TMEM163: variants seen among roughly 807,000 people sequenced by gnomAD.
TMEM163 encodes the protein transmembrane protein 163.
In TMEM163, 17 loss-of-function variants were observed where a neutral mutation model predicts 29.3. The observed-to-expected ratio is 0.58, with a 90% CI of 0.40 to 0.87. TMEM163 has a LOEUF of 0.87. TMEM163 is among the 40% of genes least tolerant of loss of function. The pLI is 0.00. For synonymous variants in TMEM163, 157 were observed against 160.6 expected, an observed-to-expected ratio of 0.98 and a Z score of 0.17; for missense variants, 303 against 381.5, an observed-to-expected ratio of 0.79 and a Z score of 1.71.
At chr2:134,602,799 G>C (rs1237367534) in intron 2 of TMEM163, among the ~76,000 whole-genome samples, 1 of 151,856 alleles carries the variant, frequency 6.6e-6, no homozygotes, top group African/African-American at 2.4e-5. Flanking sequence ...TCTTCTGCCT[G>C]TCCCTGAGAG....
At chr2:134,587,307 G>T (rs564112192) in intron 2 of TMEM163, among the ~76,000 whole-genome samples, 2 of 152,284 alleles carry the variant, frequency 1.3e-5, no homozygotes, top group East Asian at 3.9e-4. Context: ...GGCTACTAGG[G>T]AGTGTGAGGC....
At chr2:134,662,306 C>T (rs1485555475) in intron 2 of TMEM163, among the ~76,000 whole-genome samples, 1 of 152,130 alleles carries the variant, frequency 6.6e-6, no homozygotes, top group East Asian at 1.9e-4. Context: ...ATAGTTTCCC[C>T]TTCTTTAAAA....
At chr2:134,550,859 TA>T (rs112325375) in intron 3 of TMEM163, among the ~76,000 whole-genome samples, 198 bp from the exon 4 acceptor site, 1 of 152,220 alleles carries the variant, frequency 6.6e-6, no homozygotes, top group East Asian at 1.9e-4. Flanking sequence ...GTGTGCCATG[TA>T]GGGGGCTCTG....
chr2:134,601,588 T>A (rs1682235673), intron 2 of TMEM163, among the ~76,000 whole-genome samples: 1 of 152,208 alleles, frequency 6.6e-6, no homozygotes. Context: ...CCGGCCTGCC[T>A]CCTAAATGGG....
intron 4 of TMEM163, among the ~76,000 whole-genome samples, chr2:134,542,789 C>A (rs1680703797): frequency 6.6e-6 from 1 of 152,138 alleles, no homozygotes; most frequent in Non-Finnish European, 1.5e-5. Context: ...AAGGTGTCTG[C>A]AGGGCCACCC....
chr2:134,658,453 T>C (rs55925095), intron 2 of TMEM163, among the ~76,000 whole-genome samples: 22,697 of 152,044 alleles, frequency 0.15, 2,500 homozygotes, highest in African/African-American at 0.31. Flanking sequence ...CATGAGTTTT[T>C]GGAGGACAGA....
intron 2 of TMEM163, among the ~76,000 whole-genome samples, chr2:134,649,008 G>GA (rs1683403419): frequency 6.6e-6 from 1 of 152,118 alleles, no homozygotes; most frequent in African/African-American, 2.4e-5. Flanking sequence ...AAATAAAATT[G>GA]AAGAAAGAAC....
intron 6 of TMEM163, among the ~76,000 whole-genome samples, chr2:134,459,900 C>T (rs947072937): frequency 6.6e-6 from 1 of 152,116 alleles, no homozygotes; most frequent in Non-Finnish European, 1.5e-5. Context: ...ACCTCAGGCA[C>T]AGGCTCCTCA....
intron 2 of TMEM163, among the ~76,000 whole-genome samples, chr2:134,673,253 G>A (rs774270360): frequency 5.9e-5 from 9 of 152,076 alleles, no homozygotes; most frequent in Admixed American, 2.0e-4. Flanking sequence ...GCATTGGCAC[G>A]TGTTGGTATG....
intron 2 of TMEM163, among the ~76,000 whole-genome samples, chr2:134,647,882 C>T (rs1490575480): frequency 3.3e-5 from 5 of 152,244 alleles, no homozygotes; most frequent in African/African-American, 7.2e-5. Flanking sequence ...AGGAGCAAAA[C>T]TCTGTGTGGC....
intron 5 of TMEM163, among the ~76,000 whole-genome samples, chr2:134,473,302 G>T (rs150365534): frequency 2.6e-5 from 4 of 152,068 alleles, no homozygotes; most frequent in Admixed American, 2.0e-4. Context: ...TTGGGAGTCC[G>T]AGGCAGGTGG....
At chr2:134,608,848 G>A (rs1193041657) in intron 2 of TMEM163, among the ~76,000 whole-genome samples, 3 of 47,216 alleles carry the variant, frequency 6.4e-5, no homozygotes, top group Non-Finnish European at 1.1e-4. Context: ...GACAGACCCC[G>A]AGAACTGTGC....
intron 5 of TMEM163, among the ~76,000 whole-genome samples, chr2:134,472,147 C>T (rs961911006): frequency 6.6e-6 from 1 of 152,206 alleles, no homozygotes; most frequent in African/African-American, 2.4e-5. Flanking sequence ...CTGGCAAGCT[C>T]CTTCAACATC....
chr2:134,503,306 AATGTG>A (rs910327760), intron 4 of TMEM163, among the ~76,000 whole-genome samples: 5 of 152,194 alleles, frequency 3.3e-5, no homozygotes, highest in African/African-American at 7.2e-5. Flanking sequence ...TTGCCTGGCA[AATGTG>A]ATGTTTCATT....
intron 6 of TMEM163, among the ~76,000 whole-genome samples, chr2:134,464,779 C>T (rs1371244796): frequency 2.0e-5 from 3 of 152,090 alleles, no homozygotes; most frequent in Non-Finnish European, 4.4e-5. Context: ...CGCCACCTGT[C>T]GACAGTCCCA....
chr2:134,615,706 T>C (rs555994720), intron 2 of TMEM163, among the ~76,000 whole-genome samples: 2 of 137,678 alleles, frequency 1.5e-5, no homozygotes, highest in Non-Finnish European at 3.1e-5. Flanking sequence ...ACCCAAGCTA[T>C]AGTGCAGTGG....
At chr2:134,689,708 T>C (rs56724052) in intron 2 of TMEM163, among the ~76,000 whole-genome samples, 18,081 of 152,160 alleles carry the variant, frequency 0.12, 3,528 homozygotes, top group African/African-American at 0.41. Context: ...GAGGAAAAGA[T>C]ACAGTTAGAA....
intron 5 of TMEM163, chr2:134,469,452 A>G (rs909874330): frequency 2.0e-5 from 3 of 152,236 alleles, no homozygotes; most frequent in African/African-American, 4.8e-5. Context: ...GTGGAAAAAA[A>G]TAACAGACTC....
intron 4 of TMEM163, among the ~76,000 whole-genome samples, chr2:134,533,526 G>T (rs577908808): frequency 6.6e-6 from 1 of 152,162 alleles, no homozygotes; most frequent in Non-Finnish European, 1.5e-5. Flanking sequence ...AAACATATTG[G>T]TTCTACAAAT....
Sources: gnomAD v4.1 joint callset for allele counts (sites outside exome capture counted in the v4.1 genomes callset) on GRCh38, gnomAD v4.1.1 for gene constraint, MANE v1.5 for transcripts, NCBI Gene and HGNC (gene_info 2026-07-23, HGNC 2026-07-21) for gene names.